Variants in MACROD2 observed in about 807,000 individuals in gnomAD.
MACROD2 encodes the protein ADP-ribose glycohydrolase MACROD2.
Under a neutral mutation model 70.4 loss-of-function variants are expected in MACROD2, and 36 were observed. That is an observed-to-expected ratio of 0.51 (90% CI 0.39 to 0.68). The LOEUF (loss-of-function observed/expected upper bound fraction) is 0.68, where lower values mean the gene tolerates loss of function less well. Among genes scored for constraint, MACROD2 ranks in the 30% least tolerant of loss-of-function variants. The probability of loss-of-function intolerance (pLI) is 0.00; values close to 1 mark genes in which losing one functional copy is unlikely to be tolerated. For synonymous variants in MACROD2, 172 were observed against 178.8 expected (o/e 0.96, Z 0.30); for missense variants, 496 against 538.4 (o/e 0.92, Z 0.78).
At chr20:14,767,883 T>G (rs2072112470) in intron 5 of MACROD2, among the ~76,000 whole-genome samples, 1 of 151,996 alleles carries the variant, frequency 6.6e-6, no homozygotes, top group Non-Finnish European at 1.5e-5. Flanking sequence ...AGTGAGAACA[T>G]GCAGTGTTTG....
intron 8 of MACROD2, among the ~76,000 whole-genome samples, chr20:15,522,691 T>C (rs2047669118): frequency 1.3e-5 from 2 of 152,294 alleles, no homozygotes; most frequent in South Asian, 4.1e-4. Flanking sequence ...AGGCAAATTG[T>C]ATCAGAAAAT....
At chr20:14,788,580 C>CAAAAAAA (rs11477973) in intron 5 of MACROD2, among the ~76,000 whole-genome samples, 1 of 73,282 alleles carries the variant, frequency 1.4e-5, no homozygotes, top group Non-Finnish European at 2.6e-5. Context: ...GATCACATCT[C>CAAAAAAA]AAAAAAAAAA....
chr20:15,154,905 G>T (rs532858360), intron 5 of MACROD2, among the ~76,000 whole-genome samples: 1 of 152,240 alleles, frequency 6.6e-6, no homozygotes, highest in Admixed American at 6.5e-5. Flanking sequence ...TAAAGTAAAT[G>T]GTTCACTTGA....
At position 15,453,524 on chromosome 20, in the gene MACROD2, A is replaced by G. The variant is rs536183222; in HGVS notation, c.571+22089A>G. Among the ~76,000 whole-genome samples the G allele has an allele frequency of 2.6e-5, 4 of 152,322 alleles. No homozygotes were observed. The East Asian group carries it at 5.8e-4, about 22-fold the overall frequency. On this transcript the variant is annotated intron_variant, in intron 7 of 17. Transcript: ENST00000684519. ...CTTTAAGTTAACAACATTAGTTACT[A>G]TGTCCTGGAAACCTATAATTGTGCC...
intron 3 of MACROD2, among the ~76,000 whole-genome samples, chr20:14,221,484 C>G (rs1359798007): frequency 6.6e-6 from 1 of 151,976 alleles, no homozygotes; most frequent in East Asian, 1.9e-4. Context: ...AAAACCAACT[C>G]AAGACAGATT....
chr20:15,224,393 A>G (rs2076887427), intron 5 of MACROD2, among the ~76,000 whole-genome samples: 1 of 152,188 alleles, frequency 6.6e-6, no homozygotes, highest in Admixed American at 6.5e-5. Flanking sequence ...ATTTCTTTCC[A>G]TAAGGAGTCA....
At chr20:14,437,557 G>A (rs986864201) in intron 3 of MACROD2, among the ~76,000 whole-genome samples, 2 of 152,082 alleles carry the variant, frequency 1.3e-5, no homozygotes, top group Non-Finnish European at 2.9e-5. Flanking sequence ...TCATGCCATT[G>A]TACTCCAGCC....
intron 4 of MACROD2, among the ~76,000 whole-genome samples, chr20:14,659,764 G>GAA (rs1053426824): frequency 8.5e-5 from 13 of 152,176 alleles, no homozygotes; most frequent in African/African-American, 2.9e-4. Context: ...GCCTCACTTA[G>GAA]AGCTCCTTAA....
At chr20:15,509,285 C>G (rs2047468535) in intron 8 of MACROD2, among the ~76,000 whole-genome samples, 1 of 152,158 alleles carries the variant, frequency 6.6e-6, no homozygotes, top group Admixed American at 6.5e-5. Flanking sequence ...TTTCTGATGG[C>G]TGTATTTTTC....
At chr20:14,752,686 T>C (rs796190592) in intron 5 of MACROD2, among the ~76,000 whole-genome samples, 3 of 152,262 alleles carry the variant, frequency 2.0e-5, no homozygotes, top group Non-Finnish European at 2.9e-5. Context: ...GTAAAATGCC[T>C]GACAGACCTA....
chr20:14,285,932 G>C (rs2082340114), intron 3 of MACROD2, among the ~76,000 whole-genome samples: 1 of 150,378 alleles, frequency 6.6e-6, no homozygotes, highest in Non-Finnish European at 1.5e-5. Context: ...TAGTGACTTT[G>C]TTATTATCTT....
chr20:15,250,932 A>G (rs2077150507), intron 6 of MACROD2, among the ~76,000 whole-genome samples: 1 of 152,222 alleles, frequency 6.6e-6, no homozygotes, highest in African/African-American at 2.4e-5. Flanking sequence ...TGAATGTAGA[A>G]TGAATAAATG....
At chr20:14,226,602 G>A (rs1470292042) in intron 3 of MACROD2, among the ~76,000 whole-genome samples, 2 of 152,204 alleles carry the variant, frequency 1.3e-5, no homozygotes, top group African/African-American at 2.4e-5. Context: ...CGCACTCGGA[G>A]CAGCCGGCCG....
intron 4 of MACROD2, among the ~76,000 whole-genome samples, chr20:14,501,581 C>T (rs1462858931): frequency 3.3e-5 from 5 of 151,116 alleles, no homozygotes; most frequent in Admixed American, 1.3e-4. Flanking sequence ...TTAGAGTTTG[C>T]GTTTTTAAAA....
At position 14,697,214 on chromosome 20, in the gene MACROD2, G is replaced by A. The variant is rs945793533; in HGVS notation, c.418+12255G>A. On this transcript the variant is annotated intron_variant, in intron 5 of 17. Transcript: ENST00000684519. ...GAACTGGGCTTTCCTCCATATGTCC[G>A]GGATATGTCCTACCTATTGTTTTAA... 4.6e-5 allele frequency among the ~76,000 whole-genome samples: 7 copies of A among 152,220 alleles called. No individual in the cohort carries two copies. The South Asian group carries it at 6.2e-4, about 14-fold the overall frequency.
intron 8 of MACROD2, among the ~76,000 whole-genome samples, chr20:15,776,273 C>T (rs904849594): frequency 2.0e-5 from 3 of 152,132 alleles, no homozygotes; most frequent in Non-Finnish European, 4.4e-5. Context: ...AAGTATCTGA[C>T]TCTTGACACT....
At chr20:14,242,137 C>T (rs1601391732) in intron 3 of MACROD2, among the ~76,000 whole-genome samples, 1 of 152,114 alleles carries the variant, frequency 6.6e-6, no homozygotes, top group East Asian at 1.9e-4. Flanking sequence ...TTCAAAATAA[C>T]ATGTAGTCCT....
rs938649580 is a variant in MACROD2, at chr20:15,451,426, A to T, written c.571+19991A>T. On this transcript the variant is annotated intron_variant, in intron 7 of 17. Transcript: ENST00000684519. ...CCTGAAGGGTGGTAAATAAAAAAAA[A>T]AAAAAAAAAAAAAAAAAGAGTCACC... Among the ~76,000 whole-genome samples, 9 of 149,332 alleles carry T rather than the reference A, an allele frequency of 6.0e-5. No homozygotes were observed. In the South Asian group the frequency reaches 6.3e-4, roughly 10 times the overall value.
At chr20:15,889,298 G>T (rs1265161979) in intron 10 of MACROD2, among the ~76,000 whole-genome samples, 1 of 152,200 alleles carries the variant, frequency 6.6e-6, no homozygotes, top group Non-Finnish European at 1.5e-5. Flanking sequence ...TGCTGAGCCA[G>T]ACTTTAATTG....
Sources: allele counts gnomAD v4.1 joint callset (sites outside exome capture counted in the v4.1 genomes callset), GRCh38; gene constraint gnomAD v4.1.1; transcripts MANE v1.5; gene names NCBI Gene and HGNC (gene_info 2026-07-23, HGNC 2026-07-21).